Variants in FLVCR2 observed in about 807,000 individuals in gnomAD.
FLVCR2 encodes FLVCR choline and putative heme transporter 2.
In FLVCR2, 38 loss-of-function variants were observed where a neutral mutation model predicts 48.9. The observed-to-expected ratio is 0.78, with a 90% CI of 0.60 to 1.02. The LOEUF is 1.02. FLVCR2 is among the 50% of genes least tolerant of loss of function. The pLI, the probability that FLVCR2 is intolerant of heterozygous loss-of-function variation, is 0.00. For missense variants in FLVCR2, 664 were observed against 663.3 expected, an observed-to-expected ratio of 1.00 and a Z score of -0.01; for synonymous variants, 255 against 257.0, an observed-to-expected ratio of 0.99 and a Z score of 0.07.
At chr14:75,607,630 T>A (rs558093673) in intron 1 of FLVCR2, among the ~76,000 whole-genome samples, 217 of 152,326 alleles carry the variant, frequency 1.4e-3, no homozygotes, top group African/African-American at 5.1e-3. Context: ...CCCTGACAGG[T>A]CTCTGCTTCC....
chr14:75,596,788 C>G (rs987147041), intron 1 of FLVCR2, among the ~76,000 whole-genome samples: 10 of 121,716 alleles, frequency 8.2e-5, no homozygotes, highest in South Asian at 4.0e-4. Flanking sequence ...TTGCCCCCCC[C>G]CCCCGCCCCC....
intron 3 of FLVCR2, among the ~76,000 whole-genome samples, chr14:75,625,627 G>C (rs540414526): frequency 2.0e-5 from 3 of 152,082 alleles, no homozygotes; most frequent in Non-Finnish European, 4.4e-5. Context: ...TTAAAACTAA[G>C]CGTTAGCAAA....
At chr14:75,603,502 G>A (rs543835815) in intron 1 of FLVCR2, among the ~76,000 whole-genome samples, 4 of 152,214 alleles carry the variant, frequency 2.6e-5, no homozygotes, top group East Asian at 1.9e-4. Flanking sequence ...CACTTCTATC[G>A]GCAATAAAAT....
chr14:75,597,357 G>A (rs916049656), intron 1 of FLVCR2, among the ~76,000 whole-genome samples: 2 of 151,938 alleles, frequency 1.3e-5, no homozygotes, highest in African/African-American at 2.4e-5. Context: ...CTGAATTTCA[G>A]TTCTGCTTTC....
intron 5 of FLVCR2, among the ~76,000 whole-genome samples, chr14:75,636,304 C>A (rs1890165791): frequency 6.6e-6 from 1 of 152,162 alleles, no homozygotes; most frequent in Non-Finnish European, 1.5e-5. Context: ...TTGAGACCAT[C>A]CCTAGGGAGG....
At chr14:75,591,840 G>T (rs562425159) in intron 1 of FLVCR2, among the ~76,000 whole-genome samples, 1 of 140,554 alleles carries the variant, frequency 7.1e-6, no homozygotes, top group South Asian at 2.3e-4. Flanking sequence ...TTGACAAAGG[G>T]TCTTACTCTG....
At chr14:75,587,163 G>A (rs1718756080) in intron 1 of FLVCR2, among the ~76,000 whole-genome samples, 1 of 152,118 alleles carries the variant, frequency 6.6e-6, no homozygotes, top group African/African-American at 2.4e-5. Context: ...TGGTGAAATT[G>A]TCCCCATTGT....
At chr14:75,609,441 C>T (rs368715729) in intron 1 of FLVCR2, among the ~76,000 whole-genome samples, 1 of 152,168 alleles carries the variant, frequency 6.6e-6, no homozygotes, top group East Asian at 1.9e-4. Flanking sequence ...TCTCTCAGGG[C>T]GTTATAGATG....
intron 1 of FLVCR2, among the ~76,000 whole-genome samples, chr14:75,589,054 T>A (rs191560514): frequency 7.2e-4 from 109 of 152,142 alleles, no homozygotes; most frequent in African/African-American, 2.5e-3. Context: ...CAACATTTTT[T>A]TTTTTAAAAA....
chr14:75,602,943 A>G (rs1566786776), intron 1 of FLVCR2, among the ~76,000 whole-genome samples: 2 of 152,160 alleles, frequency 1.3e-5, no homozygotes, highest in Non-Finnish European at 2.9e-5. Flanking sequence ...ATCAGCCTTT[A>G]TGCTCTAAAG....
At chr14:75,594,125 A>G (rs1392471998) in intron 1 of FLVCR2, among the ~76,000 whole-genome samples, 3 of 152,232 alleles carry the variant, frequency 2.0e-5, no homozygotes, top group Non-Finnish European at 4.4e-5. Flanking sequence ...AGTAGATAAC[A>G]AGAATGGCTT....
intron 2 of FLVCR2, among the ~76,000 whole-genome samples, chr14:75,624,060 A>G (rs1889830063): frequency 6.7e-6 from 1 of 150,272 alleles, no homozygotes; most frequent in Admixed American, 6.6e-5. Context: ...TCAAAAAAAA[A>G]AGAAAAGCAG....
intron 8 of FLVCR2, 60 bp downstream of exon 8, chr14:75,641,353 TCG>T: frequency 9.2e-7 from 1 of 1,087,462 alleles, no homozygotes; most frequent in East Asian, 2.4e-5. Context: ...CCCTAGTGTC[TCG>T]ATGGAGCAAC....
intron 1 of FLVCR2, 109 bp downstream of exon 1, chr14:75,579,750 T>C: frequency 8.1e-7 from 1 of 1,234,956 alleles, no homozygotes. Flanking sequence ...TTTGTGACTC[T>C]GGGTGACAGT....
At chr14:75,642,079 C>A in intron 9 of FLVCR2, 181 bp downstream of exon 9, 1 of 631,906 alleles carries the variant, frequency 1.6e-6, no homozygotes, top group Non-Finnish European at 2.8e-6. Context: ...TTTGGCATTG[C>A]GTTCTTGCTA....
intron 9 of FLVCR2, 91 bp from the exon 10 acceptor site, chr14:75,646,310 C>T: frequency 1.2e-6 from 1 of 857,822 alleles, no homozygotes; most frequent in Non-Finnish European, 2.0e-6. Flanking sequence ...CTTGTATTCC[C>T]CACTGATTAG....
intron 2 of FLVCR2, among the ~76,000 whole-genome samples, chr14:75,623,606 A>G (rs144192206): frequency 6.6e-6 from 1 of 151,844 alleles, no homozygotes. Flanking sequence ...ATCCAGGATG[A>G]GAAAGCTTTT....
At position 75,624,734 on chromosome 14, in the gene FLVCR2, C is replaced by T; in HGVS notation, c.934C>T (p.Leu312=). Residue 312 remains leucine, a synonymous_variant, in exon 3 of 10, where the codon CTG becomes TTG. Transcript: ENST00000238667. ...GCTCTTCAAAAATCTCAACTTTGTG[C>T]TGCTTGTCATCACCTATGGTAAGGT... ...ARLFKNLNFV[L]LVITYGLNAG... 1 of 1,614,184 alleles carries T rather than the reference C, an allele frequency of 6.2e-7. No homozygotes were observed. The highest frequency in any genetic ancestry group is 8.5e-7 in the Non-Finnish European group (1 of 1,180,020).
intron 6 of FLVCR2, among the ~76,000 whole-genome samples, chr14:75,640,233 T>C (rs890454165): frequency 1.6e-5 from 2 of 126,832 alleles, no homozygotes; most frequent in African/African-American, 3.0e-5. Flanking sequence ...CACTCCAGCC[T>C]GGGAGACAGA....
Sources: gnomAD v4.1 joint callset for allele counts (sites outside exome capture counted in the v4.1 genomes callset) on GRCh38, gnomAD v4.1.1 for gene constraint, MANE v1.5 for transcripts, NCBI Gene and HGNC (gene_info 2026-07-23, HGNC 2026-07-21) for gene names.